Variants in AGO3 observed in about 807,000 individuals in gnomAD.
The protein encoded by AGO3 is protein argonaute-3.
Under a neutral mutation model 105.5 loss-of-function variants are expected in AGO3, and 16 were observed. The ratio of observed to expected loss-of-function variants is 0.15; its 90% CI spans 0.10 to 0.23. The LOEUF is 0.23. Ranked by LOEUF, AGO3 falls within the 10% of genes least tolerant of loss-of-function variation. AGO3 has a pLI of 1.00. For synonymous variants in AGO3, 340 were observed against 367.3 expected, an observed-to-expected ratio of 0.93 and a Z score of 0.85; for missense variants, 534 against 1,088.0, an observed-to-expected ratio of 0.49 and a Z score of 7.16.
At chr1:36,028,040 T>C (rs1421041294) in intron 12 of AGO3, among the ~76,000 whole-genome samples, 1 of 151,968 alleles carries the variant, frequency 6.6e-6, no homozygotes, top group Non-Finnish European at 1.5e-5. Context: ...TATTTATGTA[T>C]GTATGTGGTG....
chr1:36,023,757 ATGTAACACT>A, intron 11 of AGO3, among the ~76,000 whole-genome samples: 1 of 152,358 alleles, frequency 6.6e-6, no homozygotes, highest in South Asian at 2.1e-4. Context: ...GTGAAACTTA[ATGTAACACT>A]ACCTACCAGG....
At position 35,966,964 on chromosome 1, in the gene AGO3, T is replaced by G. The variant is rs1451291171; in HGVS notation, c.201T>G (p.Val67=). The G allele has an allele frequency of 6.2e-7, 1 of 1,609,278 alleles. No homozygotes were observed. The highest frequency in any genetic ancestry group is 8.5e-7 in the Non-Finnish European group (1 of 1,178,594). Residue 67 remains valine, a synonymous_variant, in exon 3 of 19, where the codon GTT becomes GTG. Coordinates refer to ENST00000373191, the MANE Select transcript of AGO3 (RefSeq NM_024852.4). The part of the protein sequence containing the change: ...KCPRRVNREV[V]DSMVQHFKVT... Reference sequence around the variant, plus strand: ...TGTTTCCCTTCTTTAGGGAGGTGGTTGACTCAATGGTTCAGCATTTTAAAG... The same window carrying G: ...TGTTTCCCTTCTTTAGGGAGGTGGTGGACTCAATGGTTCAGCATTTTAAAG...
intron 3 of AGO3, among the ~76,000 whole-genome samples, chr1:35,970,097 A>G (rs1445216235): frequency 6.6e-6 from 1 of 152,100 alleles, no homozygotes; most frequent in African/African-American, 2.4e-5. Context: ...GCAACTAACC[A>G]TTTCTCTGAG....
intron 2 of AGO3, among the ~76,000 whole-genome samples, chr1:35,949,070 A>G (rs1646422031): frequency 6.6e-6 from 1 of 152,012 alleles, no homozygotes; most frequent in African/African-American, 2.4e-5. Context: ...CAGCCTCCCG[A>G]GTAGCTGGAA....
At chr1:36,053,235 G>T (rs1642789215) in intron 17 of AGO3, among the ~76,000 whole-genome samples, 1 of 151,462 alleles carries the variant, frequency 6.6e-6, no homozygotes, top group African/African-American at 2.4e-5. Flanking sequence ...AAACCTTAGG[G>T]AACAGTTTTC....
chr1:35,992,605 C>T (rs1470924418), intron 5 of AGO3, among the ~76,000 whole-genome samples: 3 of 152,072 alleles, frequency 2.0e-5, no homozygotes, highest in Non-Finnish European at 4.4e-5. Context: ...GCCATCTTAA[C>T]CCAGAATCTG....
chr1:36,013,477 A>G lies in AGO3; in HGVS notation c.1150-153A>G. Reference sequence around the variant, plus strand: ...ATTCATGACCCATGGTCCCCAGGTTAAGATTCGCTGTTCTGTAGTTAGAGC... The same window carrying G: ...ATTCATGACCCATGGTCCCCAGGTTGAGATTCGCTGTTCTGTAGTTAGAGC... On this transcript the variant is annotated intron_variant, in intron 9 of 18. Transcript: ENST00000373191. 4.1e-6 allele frequency: 4 copies of G among 976,590 alleles called. No individual in the cohort carries two copies. The South Asian group carries it at 6.8e-5, about 17-fold the overall frequency. 60.5% of individuals were successfully genotyped at this position (976,590 alleles called of 1,614,324 possible).
intron 1 of AGO3, among the ~76,000 whole-genome samples, chr1:35,940,880 A>G (rs1046822776): frequency 1.3e-5 from 2 of 152,042 alleles, no homozygotes. Flanking sequence ...CTAATTTCTA[A>G]ATATTGGGAG....
intron 12 of AGO3, among the ~76,000 whole-genome samples, chr1:36,030,006 C>T (rs910922337): frequency 8.6e-6 from 1 of 116,148 alleles, no homozygotes; most frequent in Admixed American, 1.2e-4. Context: ...AAATTTCCTA[C>T]ATGTCACGGA....
rs934461895 is a variant in AGO3 at position 35,980,548 on chromosome 1, A to G, written c.658+7037A>G. On this transcript the variant is annotated intron_variant, in intron 5 of 18. Transcript: ENST00000373191. ...TGTCCTCAAGTTGTTTCTTCAAGAA[A>G]TGCTCATATGAATAAGGCCTGAGTT... 2.0e-5 allele frequency among the ~76,000 whole-genome samples: 3 copies of G among 152,230 alleles called. No individual in the cohort carries two copies. In the East Asian group the frequency reaches 5.8e-4, roughly 29 times the overall value.
chr1:36,035,981 C>T (rs1051960590), intron 13 of AGO3, among the ~76,000 whole-genome samples, 196 bp from the exon 14 acceptor site: 4 of 149,578 alleles, frequency 2.7e-5, no homozygotes, highest in African/African-American at 7.4e-5. Context: ...TGCAGTGAGC[C>T]GAGATCGTGC....
chr1:35,937,394 A>G (rs1461767821), intron 1 of AGO3, among the ~76,000 whole-genome samples: 1 of 151,818 alleles, frequency 6.6e-6, no homozygotes, highest in African/African-American at 2.4e-5. Flanking sequence ...CTCAAAAAAA[A>G]AAAAAAATTG....
At chr1:35,944,887 C>G (rs900474143) in intron 1 of AGO3, among the ~76,000 whole-genome samples, 9 of 152,130 alleles carry the variant, frequency 5.9e-5, no homozygotes, top group Non-Finnish European at 1.0e-4. Context: ...ATTGCAAACT[C>G]TGCCTCACAG....
In AGO3 at chr1:36,059,797, A is replaced by C. The variant is rs1464732364; in HGVS notation, c.*4052A>C. 1 of 151,994 alleles carries C rather than the reference A, an allele frequency of 6.6e-6. No homozygotes were observed. The highest frequency in any genetic ancestry group is 1.5e-5 in the Non-Finnish European group (1 of 67,970). 9.4% of individuals were successfully genotyped at this position (151,994 alleles called of 1,614,324 possible). A position where few individuals can be genotyped will look rare whatever the true frequency, so the allele number is the denominator to read the frequency against. On this transcript the variant is annotated 3_prime_UTR_variant, in exon 19 of 19. Transcript: ENST00000373191. ...CTAGTGTTAGACCCTTTTTTTTCCT[A>C]AGAGTAAGGACACGGAATATCAAAG...
At chr1:36,038,306 A>G (rs379507) in intron 14 of AGO3, among the ~76,000 whole-genome samples, 103,318 of 145,830 alleles carry the variant, frequency 0.71, 38,474 homozygotes, top group Non-Finnish European at 0.84. Flanking sequence ...TCACGCTGGA[A>G]TGCAGTGGGC....
At chr1:36,045,501 C>T (rs1256278726) in intron 17 of AGO3, among the ~76,000 whole-genome samples, 1 of 151,824 alleles carries the variant, frequency 6.6e-6, no homozygotes, top group Non-Finnish European at 1.5e-5. Flanking sequence ...GGATTACAGA[C>T]ATGAGCCACC....
At chr1:36,026,603 C>T (rs538066454) in intron 11 of AGO3, among the ~76,000 whole-genome samples, 5 of 152,250 alleles carry the variant, frequency 3.3e-5, no homozygotes, top group African/African-American at 1.2e-4. Context: ...TAATACCTGC[C>T]GTGCCTCTTT....
intron 5 of AGO3, among the ~76,000 whole-genome samples, chr1:35,989,922 A>G (rs1010257306): frequency 3.3e-5 from 5 of 152,138 alleles, no homozygotes; most frequent in Non-Finnish European, 7.4e-5. Context: ...TTTGTTAGTT[A>G]TATCTCCCTT....
chr1:36,045,518 G>A (rs1479522932), intron 17 of AGO3, among the ~76,000 whole-genome samples: 4 of 150,796 alleles, frequency 2.7e-5, no homozygotes, highest in African/African-American at 4.9e-5. Flanking sequence ...CACCATGTCC[G>A]ACCTTTTTTT....
Sources: allele counts gnomAD v4.1 joint callset (sites outside exome capture counted in the v4.1 genomes callset), GRCh38; gene constraint gnomAD v4.1.1; transcripts MANE v1.5; gene names NCBI Gene and HGNC (gene_info 2026-07-23, HGNC 2026-07-21).